CCND3: variants seen among roughly 807,000 people sequenced by gnomAD.
The protein encoded by CCND3 is G1/S-specific cyclin-D3.
In CCND3, 9 loss-of-function variants were observed where a neutral mutation model predicts 28.7. The ratio of observed to expected loss-of-function variants is 0.31; its 90% CI spans 0.19 to 0.55. The LOEUF (loss-of-function observed/expected upper bound fraction) is 0.55. CCND3 is among the 20% of genes least tolerant of loss of function. CCND3 has a pLI of 0.93. For synonymous variants in CCND3, 164 were observed against 163.9 expected (o/e 1.00, Z 0.00); for missense variants, 315 against 385.8 (o/e 0.82, Z 1.54).
In CCND3 at chr6:41,962,715, C is replaced by T. The variant is rs184770731; in HGVS notation, c.-45-22130G>A. Among the ~76,000 whole-genome samples, 555 of 152,186 alleles carry T rather than the reference C, an allele frequency of 3.6e-3. 1 individual carries two copies. Among genetic ancestry groups the T allele is most frequent in the African/African-American group, 0.012 (509 of 41,532 alleles). On this transcript the variant is annotated intron_variant, in intron 1 of 4. Transcript: ENST00000372988. ...AGTGAGCTGTGATCATGCTACTGCCCGCCAGCCTGCGTGACAAGAGTGAGA... is the reference window on the plus strand; with the variant it reads ...AGTGAGCTGTGATCATGCTACTGCCTGCCAGCCTGCGTGACAAGAGTGAGA...
At chr6:41,991,517 GT>G (rs1762649570) in intron 1 of CCND3, among the ~76,000 whole-genome samples, 1 of 152,134 alleles carries the variant, frequency 6.6e-6, no homozygotes, top group Non-Finnish European at 1.5e-5. Context: ...ACATAGTGAT[GT>G]TTCAATACAT....
At chr6:41,986,832 C>T (rs552020549) in intron 1 of CCND3, among the ~76,000 whole-genome samples, 3 of 152,114 alleles carry the variant, frequency 2.0e-5, no homozygotes, top group South Asian at 4.1e-4. Flanking sequence ...GCATCCTTGT[C>T]TTGTTCCTTG....
chr6:41,989,630 C>A (rs1310220494), intron 1 of CCND3, among the ~76,000 whole-genome samples: 1 of 151,920 alleles, frequency 6.6e-6, no homozygotes, highest in Non-Finnish European at 1.5e-5. Context: ...TAATGATGTA[C>A]CACTATGCAC....
intron 1 of CCND3, among the ~76,000 whole-genome samples, chr6:42,029,831 CT>C: frequency 8.1e-6 from 1 of 123,332 alleles, no homozygotes; most frequent in East Asian, 2.4e-4. Flanking sequence ...GAGTGAAACT[CT>C]GTCTCAAAAA....
chr6:41,990,659 G>C (rs1582137999), intron 1 of CCND3, among the ~76,000 whole-genome samples: 2 of 87,498 alleles, frequency 2.3e-5, no homozygotes, highest in African/African-American at 4.4e-5. Context: ...ATAACCAACT[G>C]ATTTTTTTTT....
At chr6:42,042,869 CAAAG>C (rs1424808042) in intron 1 of CCND3, among the ~76,000 whole-genome samples, 4 of 152,150 alleles carry the variant, frequency 2.6e-5, no homozygotes, top group African/African-American at 7.2e-5. Flanking sequence ...ATTTTACAGA[CAAAG>C]AAACTTTCAC....
intron 1 of CCND3, among the ~76,000 whole-genome samples, chr6:42,028,971 G>GTTTT (rs796486498): frequency 0.089 from 12,185 of 137,366 alleles, 712 homozygotes; most frequent in East Asian, 0.38. Context: ...CCTTGAAACG[G>GTTTT]TTTTTTTTTT....
At position 41,941,388 on chromosome 6, in the gene CCND3, C is replaced by G. The variant is rs573762582; in HGVS notation, c.198+64G>C. On this transcript the variant is annotated intron_variant, in intron 1 of 4. Transcript: ENST00000372991. The surrounding 1 kb of genome is among the most constrained non-coding windows in gnomAD (Gnocchi z 6.1). ...TGCTGTGGGGACCGGGATGTCCCGA[C>G]AGGGCGGCCCCGGTGTGTCCAGACC... 1 of 1,575,034 alleles carries G rather than the reference C, an allele frequency of 6.3e-7. No individual in the cohort carries two copies. The highest frequency in any genetic ancestry group is 1.1e-5 in the South Asian group (1 of 87,316).
chr6:41,991,845 G>T (rs1159624751), intron 1 of CCND3, among the ~76,000 whole-genome samples: 1 of 152,126 alleles, frequency 6.6e-6, no homozygotes, highest in Non-Finnish European at 1.5e-5. Flanking sequence ...AGAACATGCG[G>T]TGTTTAACTT....
In CCND3 at chr6:41,936,044, A is replaced by C. The variant is rs1051130; in HGVS notation, c.775T>G (p.Ser259Ala). The change falls in exon 5 of 5, where the codon TCT (serine) becomes GCT (alanine). Residue 259 changes from serine (S) to alanine (A), a missense_variant. Transcript: ENST00000372991. This position sits in a 1 kb window ranked among gnomAD's most constrained non-coding sequence, Gnocchi z 4.4. ...GGCGCTGGGCTGGAGCTGGTCTGAGAGGCTTCCCTGAGGCTCTCCCTGAGT... is the reference window on the plus strand; with the variant it reads ...GGCGCTGGGCTGGAGCTGGTCTGAGCGGCTTCCCTGAGGCTCTCCCTGAGT... ...AALRESLREA[S>A]QTSSSPAPKA... 896,604 of 1,612,694 alleles carry C rather than the reference A, an allele frequency of 0.56. 253,044 individuals are homozygous for C. Among genetic ancestry groups the C allele is most frequent in the African/African-American group, 0.81 (60,435 of 74,942 alleles).
chr6:42,023,983 G>A (rs1158195808), intron 1 of CCND3, among the ~76,000 whole-genome samples: 1 of 152,164 alleles, frequency 6.6e-6, no homozygotes, highest in Non-Finnish European at 1.5e-5. Flanking sequence ...GCCAGGCACT[G>A]TTCTGAGTGC....
chr6:42,002,451 A>C (rs543189507), intron 1 of CCND3, among the ~76,000 whole-genome samples: 1 of 151,738 alleles, frequency 6.6e-6, no homozygotes, highest in African/African-American at 2.4e-5. Context: ...AAAAAAAAAA[A>C]AACTATGTAT....
intron 1 of CCND3, among the ~76,000 whole-genome samples, chr6:41,982,273 C>CAA (rs57911007): frequency 1.5e-5 from 2 of 135,070 alleles, no homozygotes; most frequent in Non-Finnish European, 1.6e-5. Flanking sequence ...GACTCCATCT[C>CAA]AAAAAAAAAA....
chr6:42,043,224 A>G (rs1764425261), intron 1 of CCND3, among the ~76,000 whole-genome samples: 1 of 151,862 alleles, frequency 6.6e-6, no homozygotes, highest in East Asian at 1.9e-4. Flanking sequence ...TGAAACTGCA[A>G]AACACTATCT....
Position 42,027,922 on chromosome 6 carries a change from C to T in CCND3, c.-46+20579G>A, listed in dbSNP as rs150874770. 7.6e-4 allele frequency among the ~76,000 whole-genome samples: 115 copies of T among 152,144 alleles called. 2 individuals carry two copies. In the East Asian group the frequency reaches 0.018, roughly 23 times the overall value. On this transcript the variant is annotated intron_variant, in intron 1 of 4. Transcript: ENST00000372988. The stretch of plus-strand genomic sequence containing the variant: ...GCCACCACACCCGGCTAATTTTGTA[C>T]TTTTAGTAGAGACGGGGTTTTTCCA...
chr6:41,944,082 G>A (rs1776108089), upstream of CCND3, among the ~76,000 whole-genome samples: 1 of 151,996 alleles, frequency 6.6e-6, no homozygotes, highest in Admixed American at 6.6e-5. Context: ...CATCAGCCCA[G>A]CACTTTGGGA....
chr6:41,989,707 A>G (rs955867174), intron 1 of CCND3, among the ~76,000 whole-genome samples: 1 of 152,128 alleles, frequency 6.6e-6, no homozygotes. Context: ...AAGCAACAAA[A>G]ACTCTCATTC....
At position 41,936,180 on chromosome 6, in the gene CCND3, C is replaced by G. The variant is rs1775788449; in HGVS notation, c.712-73G>C. Reference sequence around the variant, plus strand: ...TCTGGCAGCAGGTGCAGGGGAAGGACAGCTCCCAACACATGGGGAAGTCTG... The same window carrying G: ...TCTGGCAGCAGGTGCAGGGGAAGGAGAGCTCCCAACACATGGGGAAGTCTG... On this transcript the variant is annotated intron_variant, in intron 4 of 4. Coordinates refer to ENST00000372991, the MANE Select transcript of CCND3 (RefSeq NM_001760.5). The surrounding 1 kb of genome is among the most constrained non-coding windows in gnomAD (Gnocchi z 4.4). 6.8e-7 allele frequency: 1 copy of G among 1,465,052 alleles called. No individual in the cohort carries two copies. Among genetic ancestry groups the G allele is most frequent in the Admixed American group, 2.2e-5 (1 of 44,854 alleles). The allele number at this position is 1,465,052 out of a possible 1,614,324, so 90.8% of individuals were successfully genotyped here. A position where few individuals can be genotyped will look rare whatever the true frequency, so the allele number is the denominator to read the frequency against.
Position 41,962,121 on chromosome 6 carries a change from T to G in CCND3, c.-45-21536A>C, listed in dbSNP as rs1003323873. Among the ~76,000 whole-genome samples the G allele has an allele frequency of 3.3e-5, 5 of 151,628 alleles. No homozygotes were observed. The South Asian group carries it at 1.0e-3, about 32-fold the overall frequency. Reference sequence around the variant, plus strand: ...GCAGTCTTTCTTTTTTTCTTTTGAGTTGGAGTTTCACTCTTGTCGCCCAGG... The same window carrying G: ...GCAGTCTTTCTTTTTTTCTTTTGAGGTGGAGTTTCACTCTTGTCGCCCAGG... On this transcript the variant is annotated intron_variant, in intron 1 of 4. Transcript: ENST00000372988.
Sources: allele counts gnomAD v4.1 joint callset (sites outside exome capture counted in the v4.1 genomes callset), GRCh38; gene constraint gnomAD v4.1.1; non-coding constraint Gnocchi (gnomAD v3.1); transcripts MANE v1.5; gene names NCBI Gene and HGNC (gene_info 2026-07-23, HGNC 2026-07-21).